SLC36A1: variants seen among roughly 807,000 people sequenced by gnomAD.
SLC36A1 encodes the protein proton-coupled amino acid transporter 1.
In SLC36A1, 30 loss-of-function variants were observed where a neutral mutation model predicts 47.5. The ratio of observed to expected loss-of-function variants is 0.63; its 90% confidence interval spans 0.47 to 0.86. The LOEUF is 0.86. Ranked by LOEUF, SLC36A1 falls within the 40% of genes least tolerant of loss-of-function variation. SLC36A1 has a pLI of 0.00. For missense variants in SLC36A1, 517 were observed against 606.0 expected (o/e 0.85, Z 1.54); for synonymous variants, 255 against 249.7 (o/e 1.02, Z -0.20).
chr5:151,524,521 G>A, the SLC36A1 span, among the ~76,000 whole-genome samples: 1 of 152,180 alleles, frequency 6.6e-6, no homozygotes, highest in Non-Finnish European at 1.5e-5. Flanking sequence ...CCCGATCTGG[G>A]ACTTCCAGCC....
chr5:151,534,096 G>T, the SLC36A1 span, among the ~76,000 whole-genome samples: 1 of 152,110 alleles, frequency 6.6e-6, no homozygotes. Context: ...GTATATTTCT[G>T]ATTAAATGTT....
the SLC36A1 span, among the ~76,000 whole-genome samples, chr5:151,400,757 C>T: frequency 2.6e-5 from 4 of 151,778 alleles, no homozygotes; most frequent in South Asian, 6.3e-4. Flanking sequence ...GGTTTTGATT[C>T]GCATTTCTCT....
At chr5:151,512,772 TTTGTG>T in the SLC36A1 span, 1 of 645,280 alleles carries the variant, frequency 1.5e-6, no homozygotes, top group Non-Finnish European at 2.7e-6. The surrounding 1 kb of genome is among the most constrained non-coding windows in gnomAD (Gnocchi z 4.1). Flanking sequence ...TCAAAGTGCT[TTTGTG>T]TTGATGGTCT....
At chr5:151,511,973 T>C in the SLC36A1 span, 3 of 597,818 alleles carry the variant, frequency 5.0e-6, no homozygotes, top group Non-Finnish European at 3.0e-6. Flanking sequence ...ATAGTTTTTG[T>C]TGAGAGGGAA....
At chr5:151,502,927 C>T in the SLC36A1 span, among the ~76,000 whole-genome samples, 1 of 147,902 alleles carries the variant, frequency 6.8e-6, no homozygotes, top group Admixed American at 6.6e-5. Flanking sequence ...AATGATCAAG[C>T]CCTGAAAAGA....
At chr5:151,495,330 T>G (rs141940031), downstream of SLC36A1, among the ~76,000 whole-genome samples, 4 of 152,352 alleles carry the variant, frequency 2.6e-5, no homozygotes, top group East Asian at 7.7e-4. Context: ...TCTTTTGATA[T>G]AGGTTTTTTA....
At chr5:151,482,278 A>C (rs373251490) in intron 10 of SLC36A1, among the ~76,000 whole-genome samples, 211 of 150,866 alleles carry the variant, frequency 1.4e-3, no homozygotes, top group African/African-American at 4.9e-3. Flanking sequence ...GCCACCCCCC[A>C]CCCTGCATTC....
the SLC36A1 span, among the ~76,000 whole-genome samples, chr5:151,353,190 G>GTA: frequency 6.6e-5 from 10 of 152,268 alleles, 1 homozygote; most frequent in Admixed American, 4.6e-4. Context: ...GCATATGTGT[G>GTA]TATATATATA....
intron 1 of SLC36A1, among the ~76,000 whole-genome samples, chr5:151,458,356 T>TATATACACACAC (rs796511045): frequency 8.5e-5 from 11 of 129,740 alleles, no homozygotes; most frequent in African/African-American, 3.2e-4. Context: ...TATATATATA[T>TATATACACACAC]ACACACACGA....
chr5:151,500,960 C>T, the SLC36A1 span, among the ~76,000 whole-genome samples: 1 of 152,154 alleles, frequency 6.6e-6, no homozygotes, highest in Non-Finnish European at 1.5e-5. Flanking sequence ...GAAGGCGGGG[C>T]CTGGTGGGGA....
the SLC36A1 span, among the ~76,000 whole-genome samples, chr5:151,419,592 A>C: frequency 6.6e-6 from 1 of 152,214 alleles, no homozygotes; most frequent in African/African-American, 2.4e-5. Flanking sequence ...TTTTGTGTGA[A>C]TTAGAATCAT....
At chr5:151,400,914 T>C in the SLC36A1 span, among the ~76,000 whole-genome samples, 1 of 152,216 alleles carries the variant, frequency 6.6e-6, no homozygotes, top group East Asian at 1.9e-4. Flanking sequence ...TTATACATTC[T>C]GGATATTAGA....
the SLC36A1 span, among the ~76,000 whole-genome samples, chr5:151,537,558 A>T: frequency 1.3e-5 from 2 of 152,238 alleles, no homozygotes; most frequent in South Asian, 2.1e-4. Flanking sequence ...AATTTAGCAC[A>T]TTTAAAACCA....
chr5:151,432,906 T>G (rs778454097), upstream of SLC36A1, among the ~76,000 whole-genome samples: 4 of 151,986 alleles, frequency 2.6e-5, no homozygotes, highest in Non-Finnish European at 5.9e-5. Context: ...CTTCTACATA[T>G]AGAATACAGC....
the SLC36A1 span, among the ~76,000 whole-genome samples, chr5:151,373,754 T>C: frequency 1.3e-5 from 2 of 152,172 alleles, no homozygotes; most frequent in Admixed American, 6.5e-5. Flanking sequence ...AAAAATTGTT[T>C]TAGAGACAGG....
the SLC36A1 span, among the ~76,000 whole-genome samples, chr5:151,365,550 G>T: frequency 2.6e-5 from 4 of 152,180 alleles, no homozygotes; most frequent in Admixed American, 2.6e-4. Context: ...GTCCACAGAG[G>T]TCATCTAGTC....
chr5:151,358,235 C>T, the SLC36A1 span, among the ~76,000 whole-genome samples: 77 of 152,146 alleles, frequency 5.1e-4, no homozygotes, highest in African/African-American at 1.7e-3. Context: ...AGTAGGGAGA[C>T]AGCCTCAGGC....
intron 7 of SLC36A1, among the ~76,000 whole-genome samples, chr5:151,473,295 T>C (rs1271872149): frequency 3.9e-5 from 6 of 152,256 alleles, no homozygotes; most frequent in African/African-American, 1.2e-4. Flanking sequence ...GAAGCACTTA[T>C]ATTGTTTTCA....
At chr5:151,508,612 AG>A in the SLC36A1 span, among the ~76,000 whole-genome samples, 2,242 of 151,810 alleles carry the variant, frequency 0.015, 15 homozygotes, top group Non-Finnish European at 0.02. Context: ...TGGCAGGCTG[AG>A]GCAGGGGAAT....
Sources: allele counts gnomAD v4.1 joint callset (sites outside exome capture counted in the v4.1 genomes callset), GRCh38; gene constraint gnomAD v4.1.1; non-coding constraint Gnocchi (gnomAD v3.1); transcripts MANE v1.5; gene names NCBI Gene and HGNC (gene_info 2026-07-23, HGNC 2026-07-21).